The following NCOR1 variants were observed in gnomAD, a reference collection of about 807,000 sequenced individuals.
NCOR1 encodes the protein nuclear receptor corepressor 1, also known as protein phosphatase 1, regulatory subunit 109.
In NCOR1, 63 loss-of-function variants were observed where a neutral mutation model predicts 288.1. That is an observed-to-expected ratio of 0.22 (90% CI 0.18 to 0.27). The LOEUF (loss-of-function observed/expected upper bound fraction) is 0.27, where lower values mean the gene tolerates loss of function less well. Among genes scored for constraint, NCOR1 ranks in the 10% least tolerant of loss-of-function variants. NCOR1 has a pLI of 1.00. For missense variants in NCOR1, 2,397 were observed against 3,019.2 expected (o/e 0.79, Z 4.83); for synonymous variants, 1,007 against 1,065.9 (o/e 0.94, Z 1.08).
rs1971955721 is a variant in NCOR1 at position 16,031,383 on chromosome 17, C to T, written c.*913G>A. 2 of 190,420 alleles carry T rather than the reference C, an allele frequency of 1.1e-5. No homozygotes were observed. The highest frequency in any genetic ancestry group is 3.9e-4 in the South Asian group (2 of 5,138). 11.8% of individuals were successfully genotyped at this position (190,420 alleles called of 1,614,324 possible). A position where few individuals can be genotyped will look rare whatever the true frequency, so the allele number is the denominator to read the frequency against. Reference sequence around the variant, plus strand: ...AACCTGAGACACCAGGAGCCTTAAACCACAAATAATCTACTGTAGCTATGG... The same window carrying T: ...AACCTGAGACACCAGGAGCCTTAAATCACAAATAATCTACTGTAGCTATGG... On this transcript the variant is annotated 3_prime_UTR_variant, in exon 46 of 46. Transcript: ENST00000268712.
intron 6 of NCOR1, among the ~76,000 whole-genome samples, chr17:16,156,011 G>C (rs1268602423): frequency 1.3e-5 from 2 of 152,132 alleles, no homozygotes; most frequent in South Asian, 2.1e-4. Context: ...GAAAAGATGA[G>C]GCCAGGCATG....
chr17:16,206,925 GTATTACT>G (rs1487737807), intron 1 of NCOR1, among the ~76,000 whole-genome samples: 15 of 152,010 alleles, frequency 9.9e-5, no homozygotes, highest in Non-Finnish European at 1.9e-4. Flanking sequence ...ATAAAATAAT[GTATTACT>G]TATAATTAGT....
At chr17:16,127,613 G>GCA (rs1555689935) in intron 14 of NCOR1, among the ~76,000 whole-genome samples, 118 of 132,592 alleles carry the variant, frequency 8.9e-4, no homozygotes, top group Non-Finnish European at 1.2e-3. Flanking sequence ...ATACATATGT[G>GCA]TATGTGTATA....
intron 5 of NCOR1, among the ~76,000 whole-genome samples, chr17:16,159,175 A>T (rs145767376): frequency 0.011 from 1,641 of 152,160 alleles, 36 homozygotes; most frequent in African/African-American, 0.037. Flanking sequence ...GCACTTTGGG[A>T]GGCCTAGGCA....
chr17:16,096,255 T>C (rs2066599437), intron 21 of NCOR1, among the ~76,000 whole-genome samples: 1 of 151,886 alleles, frequency 6.6e-6, no homozygotes, highest in South Asian at 2.1e-4. Flanking sequence ...TGTTGTCCTA[T>C]GACCCTGCCA....
intron 1 of NCOR1, among the ~76,000 whole-genome samples, chr17:16,196,156 A>G (rs943665605): frequency 6.7e-6 from 1 of 149,286 alleles, no homozygotes; most frequent in Non-Finnish European, 1.5e-5. Flanking sequence ...TATAACATAT[A>G]TAATTTTATA....
In NCOR1 at chr17:16,072,154, T is replaced by C; in HGVS notation, c.3886A>G (p.Ile1296Val). 6.2e-7 allele frequency: 1 copy of C among 1,608,312 alleles called. No individual in the cohort carries two copies. Among genetic ancestry groups the C allele is most frequent in the Non-Finnish European group, 8.5e-7 (1 of 1,176,950 alleles). Residue 1296 changes from isoleucine (I) to valine (V), a missense_variant, in exon 29 of 46, where the codon ATA becomes GTA. By Grantham distance (29) the Ile-to-Val change is conservative (BLOSUM62 3). Transcript: ENST00000268712. The part of the protein sequence containing the change: ...LKERTVLSGS[I>V]MQGTPRATTE... ...CAAGCAGAAAGTTTACCCTGCATTA[T>C]GGAGCCAGACAATACAGTCCTTTCT...
At chr17:16,200,236 C>A (rs1274090255) in intron 1 of NCOR1, among the ~76,000 whole-genome samples, 1 of 151,948 alleles carries the variant, frequency 6.6e-6, no homozygotes, top group Admixed American at 6.6e-5. Flanking sequence ...ACCTGTAATC[C>A]CAGCACTTTG....
At chr17:16,151,751 C>A (rs1373955112) in intron 8 of NCOR1, 195 bp downstream of exon 8, 2 of 1,033,036 alleles carry the variant, frequency 1.9e-6, no homozygotes, top group African/African-American at 1.6e-5. Flanking sequence ...CATTTTTTGG[C>A]CTCGGAAACT....
At chr17:16,211,574 G>A (rs959561185) in intron 1 of NCOR1, among the ~76,000 whole-genome samples, 7 of 152,022 alleles carry the variant, frequency 4.6e-5, no homozygotes, top group African/African-American at 1.2e-4. Context: ...TTTTGAGATC[G>A]CTGTTAAATA....
chr17:16,209,213 A>C lies in NCOR1; in HGVS notation c.-71+6149T>G, dbSNP rs572457345. Among the ~76,000 whole-genome samples the C allele has an allele frequency of 1.2e-3, 178 of 152,288 alleles. 1 individual carries two copies. The highest frequency in any genetic ancestry group is 4.1e-3 in the African/African-American group (170 of 41,556). ...CCTGGATGATGTAATATGTGATCAA[A>C]CCCTTGAAAAATAGGATAAATTTAG... is the stretch of plus-strand genomic sequence containing the variant. On this transcript the variant is annotated intron_variant, in intron 1 of 45. Coordinates refer to ENST00000268712, the MANE Select transcript of NCOR1 (RefSeq NM_006311.4).
chr17:16,080,821 A>C, intron 23 of NCOR1, 94 bp from the exon 24 acceptor site: 1 of 396,320 alleles, frequency 2.5e-6, no homozygotes, highest in Non-Finnish European at 3.6e-6. Context: ...ATTTCTGTTT[A>C]AAAAAAAAAA....
chr17:16,040,097 C>G, intron 43 of NCOR1: 1 of 483,080 alleles, frequency 2.1e-6, no homozygotes, highest in Non-Finnish European at 4.0e-6. Flanking sequence ...GCCCAGAGAC[C>G]ATCTTAATCC....
chr17:16,196,742 G>A (rs568664474), intron 1 of NCOR1, among the ~76,000 whole-genome samples: 14 of 150,044 alleles, frequency 9.3e-5, no homozygotes, highest in Non-Finnish European at 1.5e-4. Flanking sequence ...GGAGAATGGC[G>A]TGAACCCGGG....
intron 6 of NCOR1, among the ~76,000 whole-genome samples, chr17:16,154,504 G>GT (rs1182803460): frequency 2.0e-5 from 3 of 152,164 alleles, no homozygotes; most frequent in Non-Finnish European, 4.4e-5. Flanking sequence ...GGGGCTTGAG[G>GT]TAACAGTGTG....
At chr17:16,140,536 G>A (rs997397077) in intron 11 of NCOR1, among the ~76,000 whole-genome samples, 5 of 152,148 alleles carry the variant, frequency 3.3e-5, no homozygotes, top group Non-Finnish European at 5.9e-5. Context: ...GTGAGAGGCT[G>A]GGTGGGGTGG....
At chr17:16,046,277 G>T (rs1374882939) in intron 42 of NCOR1, among the ~76,000 whole-genome samples, 1 of 152,190 alleles carries the variant, frequency 6.6e-6, no homozygotes, top group African/African-American at 2.4e-5. Flanking sequence ...GGCAAGGCAT[G>T]AATTAAAAGT....
At chr17:16,102,686 C>G (rs2067858176) in intron 19 of NCOR1, among the ~76,000 whole-genome samples, 1 of 151,974 alleles carries the variant, frequency 6.6e-6, no homozygotes, top group Non-Finnish European at 1.5e-5. Flanking sequence ...CTCCGCCTCC[C>G]AGGTTCCAGC....
At chr17:16,204,109 AAAT>A (rs1269164005) in intron 1 of NCOR1, among the ~76,000 whole-genome samples, 10 of 152,160 alleles carry the variant, frequency 6.6e-5, no homozygotes, top group African/African-American at 1.4e-4. Context: ...GATCAAAATA[AAAT>A]AATAAGAGAT....
Sources: allele counts gnomAD v4.1 joint callset (sites outside exome capture counted in the v4.1 genomes callset), GRCh38; gene constraint gnomAD v4.1.1; transcripts MANE v1.5; gene names NCBI Gene and HGNC (gene_info 2026-07-23, HGNC 2026-07-21).